Variants in S100A13 observed in about 807,000 individuals in gnomAD.
S100A13 encodes protein S100-A13.
In S100A13, 6 loss-of-function variants were observed where a neutral mutation model predicts 8.2. That is an observed-to-expected ratio of 0.73 (90% confidence interval 0.40 to 1.44). S100A13 has a LOEUF of 1.44. S100A13 is among the 40% of genes most tolerant of loss of function. S100A13 has a pLI of 0.02. For synonymous variants in S100A13, 39 were observed against 45.9 expected, an observed-to-expected ratio of 0.85 and a Z score of 0.61; for missense variants, 114 against 113.6, an observed-to-expected ratio of 1.00 and a Z score of -0.02.
upstream of S100A13, chr1:153,630,685 G>C: frequency 6.2e-7 from 1 of 1,612,066 alleles, no homozygotes; most frequent in Non-Finnish European, 8.5e-7. Flanking sequence ...TGGTGGAGTG[G>C]GAGTGGAGTG....
At chr1:153,630,676 GGTGGAGTGGGA>G (rs779177680), upstream of S100A13, 26 of 1,613,580 alleles carry the variant, frequency 1.6e-5, no homozygotes, top group Non-Finnish European at 2.0e-5. Context: ...AGCATAGAGT[GGTGGAGTGGGA>G]GTGGAGTGGG....
chr1:153,631,279 A>T, upstream of S100A13: 1 of 625,968 alleles, frequency 1.6e-6, no homozygotes, highest in South Asian at 2.1e-5. Context: ...GTTTTATTGG[A>T]CTGGGTTCAA....
upstream of S100A13, chr1:153,627,951 C>T (rs1571296264): frequency 7.3e-7 from 1 of 1,371,680 alleles, no homozygotes; most frequent in East Asian, 2.5e-5. Flanking sequence ...GGCTGAGGCC[C>T]CACACACAGA....
chr1:153,630,379 A>G (rs540114254), upstream of S100A13: 97 of 1,151,362 alleles, frequency 8.4e-5, 1 homozygote, highest in African/African-American at 1.3e-3. Flanking sequence ...GGAAAGATCA[A>G]TTGCAGTAGG....
chr1:153,631,477 AC>A (rs1173406417), upstream of S100A13: 14 of 1,596,902 alleles, frequency 8.8e-6, no homozygotes, highest in African/African-American at 1.9e-4. Flanking sequence ...CACTGAACAT[AC>A]GGTAACTGGT....
intron 2 of S100A13, among the ~76,000 whole-genome samples, chr1:153,619,571 C>T (rs1667102673): frequency 6.6e-6 from 1 of 152,140 alleles, no homozygotes; most frequent in Non-Finnish European, 1.5e-5. Flanking sequence ...AGGGGAATGG[C>T]AAGGGCATGG....
At chr1:153,621,652 C>T (rs1033108885) in intron 2 of S100A13, among the ~76,000 whole-genome samples, 3 of 149,632 alleles carry the variant, frequency 2.0e-5, no homozygotes, top group Non-Finnish European at 4.4e-5. Context: ...TTTGTTCTTT[C>T]GCTCTTTGCA....
At chr1:153,631,247 T>C (rs756274770), upstream of S100A13, 6 of 568,272 alleles carry the variant, frequency 1.1e-5, no homozygotes, top group Non-Finnish European at 1.9e-5. Flanking sequence ...CAGGATACGG[T>C]AGAAAGTGCA....
upstream of S100A13, chr1:153,632,266 CTTTT>C (rs397863604): frequency 6.5e-5 from 6 of 91,838 alleles, no homozygotes; most frequent in Non-Finnish European, 8.1e-5. Flanking sequence ...AAGAAATAAT[CTTTT>C]TTTTTTTTTT....
chr1:153,632,495 TCTC>T (rs1366214502), upstream of S100A13, among the ~76,000 whole-genome samples: 3 of 151,836 alleles, frequency 2.0e-5, no homozygotes, highest in Non-Finnish European at 4.4e-5. Context: ...ATGGTCTCGA[TCTC>T]CTGACCTCGT....
upstream of S100A13, among the ~76,000 whole-genome samples, chr1:153,633,559 G>T (rs1286791610): frequency 1.3e-5 from 2 of 152,152 alleles, no homozygotes; most frequent in Admixed American, 1.3e-4. Flanking sequence ...GGTGGTGTTG[G>T]CCGGTGCAGG....
intron 2 of S100A13, among the ~76,000 whole-genome samples, chr1:153,622,547 C>G (rs1667336862): frequency 6.6e-6 from 1 of 152,216 alleles, no homozygotes. Context: ...CATAGTGGCT[C>G]ATGCCTGTAA....
upstream of S100A13, chr1:153,631,710 G>A (rs937709536): frequency 3.7e-6 from 6 of 1,614,084 alleles, no homozygotes; most frequent in African/African-American, 2.7e-5. Context: ...CCAGAAGGAT[G>A]TGGATGCTGT....
upstream of S100A13, chr1:153,630,590 G>C (rs778905128): frequency 1.1e-5 from 18 of 1,614,148 alleles, no homozygotes; most frequent in Admixed American, 5.0e-5. Context: ...CGGGCAAAGA[G>C]GGGGACAAGT....
Position 153,618,890 on chromosome 1 carries a change from C to A in S100A13, c.*5G>T, listed in dbSNP as rs754647222. ...CCCTGCCCACCCCATCTCAGCCAGG[C>A]GGCTTTACTTCTTCCTGATCTTCAG... On this transcript the variant is annotated 3_prime_UTR_variant, in exon 3 of 3. Coordinates refer to ENST00000476133, the MANE Select transcript of S100A13 (RefSeq NM_001024211.2). 40 of 1,613,820 alleles carry A rather than the reference C, an allele frequency of 2.5e-5. No homozygotes were observed. The highest frequency in any genetic ancestry group is 3.0e-5 in the Non-Finnish European group (35 of 1,179,888).
intron 2 of S100A13, among the ~76,000 whole-genome samples, chr1:153,625,994 C>G (rs751900263): frequency 1.3e-5 from 2 of 152,114 alleles, no homozygotes; most frequent in South Asian, 2.1e-4. Flanking sequence ...CTGGTGAAAC[C>G]CTGTCTCTAC....
At chr1:153,626,233 C>T in intron 2 of S100A13, 87 bp downstream of exon 2, 3 of 1,244,878 alleles carry the variant, frequency 2.4e-6, no homozygotes, top group Non-Finnish European at 2.3e-6. Context: ...CTTGTGGTCA[C>T]CTCACCGTAC....
chr1:153,620,014 C>T (rs1263210654), intron 2 of S100A13, among the ~76,000 whole-genome samples: 4 of 152,084 alleles, frequency 2.6e-5, no homozygotes, highest in East Asian at 1.9e-4. Context: ...AGGAAGGGTG[C>T]GGTGGCTCAC....
At chr1:153,627,340 A>G (rs1284570475) in intron 1 of S100A13, 143 bp downstream of exon 1, 1 of 152,310 alleles carries the variant, frequency 6.6e-6, no homozygotes, top group Non-Finnish European at 1.5e-5. Context: ...CCACCCCGTC[A>G]CACACTCCTG....
Sources: allele counts gnomAD v4.1 joint callset (sites outside exome capture counted in the v4.1 genomes callset), GRCh38; gene constraint gnomAD v4.1.1; transcripts MANE v1.5; gene names NCBI Gene and HGNC (gene_info 2026-07-23, HGNC 2026-07-21).